TIMP2: variants seen among roughly 807,000 people sequenced by gnomAD.
TIMP2 encodes metalloproteinase inhibitor 2.
In TIMP2, 5 loss-of-function variants were observed where a neutral mutation model predicts 24.3. The ratio of observed to expected loss-of-function variants is 0.21; its 90% CI spans 0.11 to 0.43. The LOEUF is 0.43. TIMP2 is among the 20% of genes least tolerant of loss of function. TIMP2 has a pLI of 1.00. For missense variants in TIMP2, 221 were observed against 297.5 expected (o/e 0.74, Z 1.89); for synonymous variants, 130 against 123.2 (o/e 1.06, Z -0.37).
chr17:78,885,774 AAAT>A (rs1187336552), intron 1 of TIMP2, among the ~76,000 whole-genome samples: 1 of 152,184 alleles, frequency 6.6e-6, no homozygotes, highest in Admixed American at 6.5e-5. Context: ...AGCTGCTGGC[AAAT>A]GGCAGAGCCA....
At chr17:78,890,859 G>A (rs895877559) in intron 1 of TIMP2, 12 of 1,550,456 alleles carry the variant, frequency 7.7e-6, no homozygotes, top group African/African-American at 2.7e-5. Flanking sequence ...TGGGCCAGTC[G>A]AGCTCTTCTT....
chr17:78,853,910 A>T lies in TIMP2; in HGVS notation c.*1757T>A, dbSNP rs1462296217. On this transcript the variant is annotated 3_prime_UTR_variant, in exon 5 of 5. Coordinates refer to ENST00000262768, the MANE Select transcript of TIMP2 (RefSeq NM_003255.5). ...GTGGAGTTGTATATACTGAAATCACATGGACTGGTCCATTATGACATCTTA... is the reference window on the plus strand; with the variant it reads ...GTGGAGTTGTATATACTGAAATCACTTGGACTGGTCCATTATGACATCTTA... 6.6e-6 allele frequency: 1 copy of T among 152,346 alleles called. No homozygotes were observed. Among genetic ancestry groups the T allele is most frequent in the East Asian group, 1.9e-4 (1 of 5,180 alleles). 9.4% of individuals were successfully genotyped at this position (152,346 alleles called of 1,614,324 possible).
At chr17:78,873,307 T>A (rs3786144) in intron 2 of TIMP2, among the ~76,000 whole-genome samples, 16,693 of 104,986 alleles carry the variant, frequency 0.16, 1,188 homozygotes, top group African/African-American at 0.24. Flanking sequence ...CCACATATTT[T>A]TTTTTTTTTT....
chr17:78,904,805 C>G (rs1290086505), intron 1 of TIMP2: 1 of 152,282 alleles, frequency 6.6e-6, no homozygotes, highest in Non-Finnish European at 1.5e-5. Flanking sequence ...CCGGACAGAA[C>G]AAAGAGACAG....
intron 1 of TIMP2, among the ~76,000 whole-genome samples, chr17:78,900,324 T>A (rs1339417421): frequency 1.3e-5 from 2 of 152,150 alleles, no homozygotes; most frequent in Non-Finnish European, 2.9e-5. Flanking sequence ...GGTGGCTGGA[T>A]CACCTCACGA....
chr17:78,913,403 C>T lies in TIMP2; in HGVS notation c.130+11556G>A, dbSNP rs201892211. Reference sequence around the variant, plus strand: ...GAGTGACCTCATGGTATGTGAATTACATCTCAATAAAGCAGCTCAAAAGCA... The same window carrying T: ...GAGTGACCTCATGGTATGTGAATTATATCTCAATAAAGCAGCTCAAAAGCA... On this transcript the variant is annotated intron_variant, in intron 1 of 4. Transcript: ENST00000262768. Among the ~76,000 whole-genome samples, 12 of 152,054 alleles carry T rather than the reference C, an allele frequency of 7.9e-5. No homozygotes were observed. The East Asian group carries it at 1.9e-3, about 25-fold the overall frequency.
In TIMP2 at chr17:78,892,392, G is replaced by A. The variant is rs79218968; in HGVS notation, c.131-18473C>T. On this transcript the variant is annotated intron_variant, in intron 1 of 4. Coordinates refer to ENST00000262768, the MANE Select transcript of TIMP2 (RefSeq NM_003255.5). ...TCCCAGGGAAGGTGCTTGGAGCCAA[G>A]AGTGGAGGGTTCAAGGGGCGCCCCC... 2.4e-3 allele frequency: 3,671 copies of A among 1,550,606 alleles called. 55 individuals carry two copies. In the African/African-American group the frequency reaches 0.042, roughly 18 times the overall value.
Position 78,891,990 on chromosome 17 carries a change from C to T in TIMP2, c.131-18071G>A, listed in dbSNP as rs2069905020. ...CAACTCCTCTCTTCACTAAGGGCTG[C>T]TCTATGCTTCTCCTTGGCCCTCGGG... On this transcript the variant is annotated intron_variant, in intron 1 of 4. Coordinates refer to ENST00000262768, the MANE Select transcript of TIMP2 (RefSeq NM_003255.5). The surrounding 1 kb of genome is among the most constrained non-coding windows in gnomAD (Gnocchi z 4.5). 1 of 1,550,696 alleles carries T rather than the reference C, an allele frequency of 6.4e-7. No individual in the cohort carries two copies. Among genetic ancestry groups the T allele is most frequent in the East Asian group, 2.4e-5 (1 of 40,916 alleles).
intron 1 of TIMP2, among the ~76,000 whole-genome samples, chr17:78,923,187 C>G (rs2070320629): frequency 6.6e-6 from 1 of 151,970 alleles, no homozygotes; most frequent in African/African-American, 2.4e-5. Context: ...ACACAAATGC[C>G]AGGCAACCCA....
chr17:78,891,594 T>A lies in TIMP2; in HGVS notation c.131-17675A>T. On this transcript the variant is annotated intron_variant, in intron 1 of 4. Transcript: ENST00000262768. The surrounding 1 kb of genome is among the most constrained non-coding windows in gnomAD (Gnocchi z 4.5). ...CACAGCTGCCCGAGGTCTCTCAGCT[T>A]CCCCTCCAGACTCTGTCCCTGAGAG... 1 of 1,550,828 alleles carries A rather than the reference T, an allele frequency of 6.4e-7. No individual in the cohort carries two copies. Among genetic ancestry groups the A allele is most frequent in the Non-Finnish European group, 8.7e-7 (1 of 1,147,044 alleles).
chr17:78,901,460 G>A (rs79060472), intron 1 of TIMP2, among the ~76,000 whole-genome samples: 2,633 of 152,200 alleles, frequency 0.017, 76 homozygotes, highest in African/African-American at 0.06. Flanking sequence ...CGGTAAGGAC[G>A]GGGAGAAGAG....
At chr17:78,911,509 C>T (rs1440224824) in intron 1 of TIMP2, among the ~76,000 whole-genome samples, 2 of 152,088 alleles carry the variant, frequency 1.3e-5, no homozygotes, top group African/African-American at 4.8e-5. Context: ...CAGCTCACTG[C>T]AACCTCCGCC....
At chr17:78,865,164 G>A (rs1599146563) in intron 3 of TIMP2, among the ~76,000 whole-genome samples, 2 of 152,296 alleles carry the variant, frequency 1.3e-5, no homozygotes, top group East Asian at 1.9e-4. Flanking sequence ...CTACCTGTAC[G>A]AGGTGTCTAG....
intron 1 of TIMP2, among the ~76,000 whole-genome samples, chr17:78,888,151 GTTTC>G (rs1315017124): frequency 2.7e-5 from 4 of 146,568 alleles, no homozygotes; most frequent in African/African-American, 5.2e-5. Flanking sequence ...ATATCTTTTT[GTTTC>G]TTTTTTTTTT....
chr17:78,899,008 G>C (rs2070046294), intron 1 of TIMP2: 1 of 152,344 alleles, frequency 6.6e-6, no homozygotes, highest in Non-Finnish European at 1.5e-5. Flanking sequence ...AAAGTGCTGG[G>C]ATTCCAGGCA....
At position 78,853,772 on chromosome 17, in the gene TIMP2, A is replaced by C. The variant is rs2069502399; in HGVS notation, c.*1895T>G. On this transcript the variant is annotated 3_prime_UTR_variant, in exon 5 of 5. Transcript: ENST00000262768. Reference sequence around the variant, plus strand: ...GGAATGATTACAGCTGATGTCAAAAACAAACCAAAACATTAAAAAAACAAT... The same window carrying C: ...GGAATGATTACAGCTGATGTCAAAACCAAACCAAAACATTAAAAAAACAAT... 6.6e-6 allele frequency: 1 copy of C among 152,602 alleles called. No individual in the cohort carries two copies. Among genetic ancestry groups the C allele is most frequent in the African/African-American group, 2.4e-5 (1 of 41,454 alleles). 9.5% of individuals were successfully genotyped at this position (152,602 alleles called of 1,614,324 possible).
chr17:78,910,809 T>G (rs1426603927), intron 1 of TIMP2, among the ~76,000 whole-genome samples: 2 of 152,216 alleles, frequency 1.3e-5, no homozygotes, highest in Admixed American at 6.5e-5. Context: ...TTTCATTGTG[T>G]AGATGTACCA....
chr17:78,880,175 A>G (rs1047901738), intron 1 of TIMP2, among the ~76,000 whole-genome samples: 8 of 152,048 alleles, frequency 5.3e-5, no homozygotes, highest in African/African-American at 1.7e-4. Context: ...CCAGGCAGAG[A>G]CGCCACGGCT....
At position 78,901,919 on chromosome 17, in the gene TIMP2, G is replaced by A. The variant is rs183928007; in HGVS notation, c.130+23040C>T. ...GGGCTGACTTTGTAGGTAGTGAGAC[G>A]CCCATCACTGGAGGCATCCGAACCA... On this transcript the variant is annotated intron_variant, in intron 1 of 4. Coordinates refer to ENST00000262768, the MANE Select transcript of TIMP2 (RefSeq NM_003255.5). The A allele has an allele frequency of 3.0e-3, 1,880 of 619,446 alleles. 18 individuals are homozygous for A. The highest frequency in any genetic ancestry group is 0.018 in the South Asian group (943 of 53,398). The allele number at this position is 619,446 out of a possible 1,614,324, so 38.4% of individuals were successfully genotyped here.
Sources: gnomAD v4.1 joint callset for allele counts (sites outside exome capture counted in the v4.1 genomes callset) on GRCh38, gnomAD v4.1.1 for gene constraint, Gnocchi (gnomAD v3.1) non-coding constraint, MANE v1.5 for transcripts, NCBI Gene and HGNC (gene_info 2026-07-23, HGNC 2026-07-21) for gene names.